Variants in POC1B observed in about 807,000 individuals in gnomAD.
The protein encoded by POC1B is POC1 centriolar protein homolog B.
A neutral mutation model predicts 60.6 loss-of-function variants in POC1B; 44 were observed. The ratio of observed to expected loss-of-function variants is 0.73; its 90% CI spans 0.57 to 0.93. The LOEUF (loss-of-function observed/expected upper bound fraction) is 0.93, where lower values mean the gene tolerates loss of function less well. Ranked by LOEUF, POC1B falls within the 40% of genes least tolerant of loss-of-function variation. The pLI is 0.00. For missense variants in POC1B, 555 were observed against 572.3 expected, an observed-to-expected ratio of 0.97 and a Z score of 0.31; for synonymous variants, 180 against 198.9, an observed-to-expected ratio of 0.90 and a Z score of 0.80.
intron 4 of POC1B, among the ~76,000 whole-genome samples, chr12:89,483,395 C>A (rs565451235): frequency 6.6e-6 from 1 of 152,262 alleles, no homozygotes; most frequent in South Asian, 2.1e-4. Flanking sequence ...TTATAAATTA[C>A]CCAGTCTCAG....
intron 10 of POC1B, among the ~76,000 whole-genome samples, chr12:89,453,383 GGGAGTCC>G (rs1882132515): frequency 1.3e-5 from 2 of 152,160 alleles, no homozygotes; most frequent in South Asian, 4.1e-4. Context: ...GCACCAGCTA[GGGAGTCC>G]AGAGACCTGG....
rs1171592384 is a variant in POC1B at position 89,518,717 on chromosome 12, A to G, written c.100+6403T>C. Among the ~76,000 whole-genome samples the G allele has an allele frequency of 2.0e-5, 3 of 152,094 alleles. No homozygotes were observed. The East Asian group carries it at 5.8e-4, about 29-fold the overall frequency. On this transcript the variant is annotated intron_variant, in intron 2 of 11. Transcript: ENST00000313546. ...TGGCAAACACTAATGTACTGTCTCT[A>G]TGGATTTTCCAGTCTTTTTTATACT...
chr12:89,431,057 T>A (rs1881009669), intron 10 of POC1B, among the ~76,000 whole-genome samples: 1 of 152,088 alleles, frequency 6.6e-6, no homozygotes, highest in Non-Finnish European at 1.5e-5. Flanking sequence ...CCTAAAGGCA[T>A]ACTTGATAGC....
intron 2 of POC1B, among the ~76,000 whole-genome samples, chr12:89,514,337 T>C (rs1036016756): frequency 1.3e-5 from 2 of 150,828 alleles, no homozygotes; most frequent in African/African-American, 2.4e-5. Flanking sequence ...GTTTCCTGTA[T>C]AGCCTGTGGA....
At chr12:89,520,669 T>A (rs1168377203) in intron 2 of POC1B, 1 of 152,224 alleles carries the variant, frequency 6.6e-6, no homozygotes, top group East Asian at 1.9e-4. Context: ...ATAGCAATTT[T>A]ATTTTTTGAA....
intron 2 of POC1B, chr12:89,501,048 T>C: frequency 9.3e-7 from 1 of 1,071,992 alleles, no homozygotes; most frequent in Non-Finnish European, 1.4e-6. Context: ...TGCCAGTAGA[T>C]CTTGGGATTA....
the POC1B span, among the ~76,000 whole-genome samples, chr12:89,411,682 C>T: frequency 6.6e-6 from 1 of 152,170 alleles, no homozygotes; most frequent in East Asian, 1.9e-4. Context: ...CCTCCCGCCT[C>T]AATGTTGCAT....
At chr12:89,459,557 C>T in intron 10 of POC1B, 81 bp downstream of exon 10, 2 of 801,910 alleles carry the variant, frequency 2.5e-6, no homozygotes, top group African/African-American at 1.9e-5. Context: ...CCTCCCCCAA[C>T]ATTTTTTAAA....
chr12:89,456,801 T>C (rs1882279848), intron 10 of POC1B, among the ~76,000 whole-genome samples: 1 of 152,184 alleles, frequency 6.6e-6, no homozygotes, highest in South Asian at 2.1e-4. Context: ...ATTTCTTCTC[T>C]GTAGTGAGAA....
chr12:89,518,277 TG>T (rs1870560874), intron 2 of POC1B, among the ~76,000 whole-genome samples: 1 of 152,164 alleles, frequency 6.6e-6, no homozygotes, highest in African/African-American at 2.4e-5. Flanking sequence ...CAATATAAAC[TG>T]ATTTCCAAGC....
chr12:89,525,594 G>A (rs955054473), intron 1 of POC1B: 37 of 1,278,552 alleles, frequency 2.9e-5, no homozygotes, highest in African/African-American at 2.0e-4. Context: ...TGACGCAGGC[G>A]CTCCACGGAA....
intron 1 of POC1B, 22 bp downstream of exon 1, chr12:89,525,859 C>G (rs1174593619): frequency 2.1e-6 from 3 of 1,426,448 alleles, no homozygotes; most frequent in East Asian, 2.7e-5. Flanking sequence ...AGGGACCCCC[C>G]CCACCTCCAA....
chr12:89,427,519 C>T (rs1000849446), intron 10 of POC1B: 1 of 151,884 alleles, frequency 6.6e-6, no homozygotes, highest in African/African-American at 2.4e-5. Context: ...ATAAGGAGAC[C>T]CCATCTCTAC....
chr12:89,459,859 A>G, intron 9 of POC1B, 141 bp from the exon 10 acceptor site: 1 of 513,120 alleles, frequency 1.9e-6, no homozygotes, highest in Non-Finnish European at 3.4e-6. Flanking sequence ...GATAAAAAAA[A>G]TTTTAAGCTA....
At position 89,425,349 on chromosome 12, in the gene POC1B, CTGGCAG is replaced by C; in HGVS notation, c.1138_1143del (p.Leu380_Pro381del). Reference sequence around the variant, plus strand: ...TATCCACAGGCCTCTTCACCCTTGTCTGGCAGAGTCCTACCACTGGTTTCTGTTGTC... The same window carrying C: ...TATCCACAGGCCTCTTCACCCTTGTCAGTCCTACCACTGGTTTCTGTTGTC... On this transcript the variant is annotated inframe_deletion, in exon 11 of 12. Transcript: ENST00000313546. The C allele has an allele frequency of 6.2e-7, 1 of 1,614,120 alleles. No individual in the cohort carries two copies. The highest frequency in any genetic ancestry group is 1.3e-5 in the African/African-American group (1 of 75,042).
chr12:89,441,616 G>A (rs879797105), intron 10 of POC1B, among the ~76,000 whole-genome samples: 4 of 152,172 alleles, frequency 2.6e-5, no homozygotes, highest in Non-Finnish European at 4.4e-5. Context: ...CCATGTGTAC[G>A]TCACCATCAT....
At chr12:89,514,058 T>C (rs1870317286) in intron 2 of POC1B, among the ~76,000 whole-genome samples, 1 of 152,158 alleles carries the variant, frequency 6.6e-6, no homozygotes, top group Admixed American at 6.5e-5. Flanking sequence ...CCCTATAATA[T>C]GGTTTGGACT....
chr12:89,524,562 G>A (rs1434524622), intron 2 of POC1B: 1 of 1,610,372 alleles, frequency 6.2e-7, no homozygotes, highest in Admixed American at 1.7e-5. Flanking sequence ...GGATTCTCAG[G>A]GCTGAGGCGC....
rs149806056 is a variant in POC1B at position 89,485,943 on chromosome 12, C to T, written c.452+5993G>A. Among the ~76,000 whole-genome samples the T allele has an allele frequency of 6.2e-3, 944 of 152,218 alleles. 8 individuals are homozygous for T. The highest frequency in any genetic ancestry group is 0.011 in the Non-Finnish European group (769 of 68,020). ...CCTATCTTGAACACTCTCCTGACAC[C>T]GACCTTACTAACTTCCACAATATAG... is the stretch of plus-strand genomic sequence containing the variant. On this transcript the variant is annotated intron_variant, in intron 4 of 11. Transcript: ENST00000313546.
Sources: gnomAD v4.1 joint callset for allele counts (sites outside exome capture counted in the v4.1 genomes callset) on GRCh38, gnomAD v4.1.1 for gene constraint, MANE v1.5 for transcripts, NCBI Gene and HGNC (gene_info 2026-07-23, HGNC 2026-07-21) for gene names.